The following LMNTD1 variants were observed in gnomAD, a reference collection of about 807,000 sequenced individuals.
LMNTD1 encodes lamin tail domain-containing protein 1.
In LMNTD1, 35 loss-of-function variants were observed where a neutral mutation model predicts 50.9. The observed-to-expected ratio is 0.69, with a 90% confidence interval of 0.53 to 0.91. The LOEUF (loss-of-function observed/expected upper bound fraction) is 0.91. LMNTD1 is among the 40% of genes least tolerant of loss of function. The pLI, the probability that LMNTD1 is intolerant of heterozygous loss-of-function variation, is 0.00. For missense variants in LMNTD1, 470 were observed against 475.5 expected, an observed-to-expected ratio of 0.99 and a Z score of 0.11; for synonymous variants, 153 against 161.9, an observed-to-expected ratio of 0.94 and a Z score of 0.42.
At chr12:25,525,209 A>G (rs1380386941) in intron 6 of LMNTD1, among the ~76,000 whole-genome samples, 1 of 152,194 alleles carries the variant, frequency 6.6e-6, no homozygotes, top group Non-Finnish European at 1.5e-5. Flanking sequence ...GTATGCTAAT[A>G]TTATACCGAG....
chr12:25,590,507 GCTGGA>G (rs999369497), intron 1 of LMNTD1, among the ~76,000 whole-genome samples: 4 of 152,152 alleles, frequency 2.6e-5, no homozygotes, highest in African/African-American at 9.7e-5. Flanking sequence ...GAGTCCTAGT[GCTGGA>G]CTGGTCCCAG....
intron 1 of LMNTD1, among the ~76,000 whole-genome samples, chr12:25,590,505 G>A (rs902446632): frequency 6.6e-6 from 1 of 152,168 alleles, no homozygotes; most frequent in African/African-American, 2.4e-5. Context: ...GTGAGTCCTA[G>A]TGCTGGACTG....
At chr12:25,577,859 C>T (rs992962966) in intron 1 of LMNTD1, among the ~76,000 whole-genome samples, 6 of 152,122 alleles carry the variant, frequency 3.9e-5, no homozygotes, top group Non-Finnish European at 7.4e-5. Context: ...GCGTGTGAGG[C>T]ATCAGGGTCT....
intron 9 of LMNTD1, among the ~76,000 whole-genome samples, chr12:25,492,840 A>G (rs575292895): frequency 1.4e-4 from 22 of 152,336 alleles, no homozygotes; most frequent in African/African-American, 5.3e-4. Flanking sequence ...TTATGGGAGC[A>G]TGTTCAAACA....
At chr12:25,533,694 T>C (rs117922478) in intron 4 of LMNTD1, among the ~76,000 whole-genome samples, 2,030 of 152,292 alleles carry the variant, frequency 0.013, 24 homozygotes, top group African/African-American at 0.032. Flanking sequence ...ATTCAGTTCA[T>C]TGGTACTACA....
intron 1 of LMNTD1, among the ~76,000 whole-genome samples, chr12:25,616,733 A>G (rs185365543): frequency 3.3e-5 from 5 of 152,332 alleles, no homozygotes; most frequent in Admixed American, 1.3e-4. Flanking sequence ...ATTTCAAAAT[A>G]AAAAGGCCAC....
At chr12:25,501,298 C>T (rs769570595) in intron 9 of LMNTD1, among the ~76,000 whole-genome samples, 4 of 152,082 alleles carry the variant, frequency 2.6e-5, no homozygotes, top group Non-Finnish European at 4.4e-5. Flanking sequence ...GCCATGAGAT[C>T]GAACTTTCAT....
At chr12:25,592,631 C>T (rs1945732942) in intron 1 of LMNTD1, 1 of 152,746 alleles carries the variant, frequency 6.5e-6, no homozygotes, top group Non-Finnish European at 1.5e-5. Context: ...GGGGGGCAGT[C>T]AGAGGCACTG....
rs59618638 is a variant in LMNTD1 at position 25,547,318 on chromosome 12, C to G, written c.311-764G>C. Reference sequence around the variant, plus strand: ...TATTTCAGTTCTGCCATTTACTAAGCCACGTGATGTAAGTTTTCCAAGTTT... The same window carrying G: ...TATTTCAGTTCTGCCATTTACTAAGGCACGTGATGTAAGTTTTCCAAGTTT... On this transcript the variant is annotated intron_variant, in intron 3 of 9. Coordinates refer to ENST00000458174, the MANE Select transcript of LMNTD1 (RefSeq NM_001145728.2). The G allele has an allele frequency of 1.6e-3, 428 of 264,566 alleles. 1 individual carries two copies. The highest frequency in any genetic ancestry group is 8.0e-3 in the African/African-American group (346 of 43,488). 16.4% of individuals were successfully genotyped at this position (264,566 alleles called of 1,614,324 possible). A position where few individuals can be genotyped will look rare whatever the true frequency, so the allele number is the denominator to read the frequency against.
chr12:25,604,185 T>C lies in LMNTD1; in HGVS notation c.58+44309A>G, dbSNP rs75460436. Among the ~76,000 whole-genome samples the C allele has an allele frequency of 8.5e-3, 1,293 of 152,208 alleles. 23 individuals are homozygous for C. Among genetic ancestry groups the C allele is most frequent in the East Asian group, 0.063 (327 of 5,178 alleles). On this transcript the variant is annotated intron_variant, in intron 1 of 7. Transcript: ENST00000445693. ...TTTAGTTCTATTTTTTACATTATAT[T>C]GACTTAAAATCCTTTTTCTTACAGC...
At chr12:25,635,519 A>C (rs1946812844) in intron 1 of LMNTD1, among the ~76,000 whole-genome samples, 2 of 152,208 alleles carry the variant, frequency 1.3e-5, no homozygotes, top group Admixed American at 6.5e-5. Flanking sequence ...TCCCATGCTC[A>C]TGGATGGATA....
chr12:25,577,236 C>T (rs968460656), intron 1 of LMNTD1, among the ~76,000 whole-genome samples: 3 of 152,232 alleles, frequency 2.0e-5, no homozygotes, highest in Non-Finnish European at 4.4e-5. Flanking sequence ...AAGAAAGTCA[C>T]TGGTAGCTTG....
At chr12:25,596,809 T>C (rs1290187674) in intron 1 of LMNTD1, among the ~76,000 whole-genome samples, 5 of 152,054 alleles carry the variant, frequency 3.3e-5, no homozygotes, top group Non-Finnish European at 5.9e-5. Context: ...TACTCTTACA[T>C]AGAAGGACTA....
Position 25,526,821 on chromosome 12 carries a change from G to A in LMNTD1, c.626C>T (p.Ser209Phe). 7.4e-6 allele frequency: 12 copies of A among 1,612,784 alleles called. No individual in the cohort carries two copies. Among genetic ancestry groups the A allele is most frequent in the Non-Finnish European group, 1.0e-5 (12 of 1,179,322 alleles). Residue 209 changes from serine (S) to phenylalanine (F), a missense_variant, in exon 5 of 10, where the codon TCT becomes TTT. Transcript: ENST00000458174. ...GATGTTTGGAAGGAATCGGTACAAA[G>A]AAATGGTTTGTCCATTCACATTTTG... ...LQQNVNGQTI[S>F]LYRFLPNIVM...
intron 1 of LMNTD1, among the ~76,000 whole-genome samples, chr12:25,610,463 C>T (rs1171304450): frequency 6.6e-6 from 1 of 152,126 alleles, no homozygotes; most frequent in Non-Finnish European, 1.5e-5. Context: ...CCTATTTGGC[C>T]ATCTTGGAAT....
rs1471698991 is a variant in LMNTD1 at position 25,531,048 on chromosome 12, G to A, written c.492-4093C>T. ...GTAGCGGCCCATCTGCAAGGACTGG[G>A]GAGTGGCCTTTTGAAGCTAAGGGTG... On this transcript the variant is annotated intron_variant, in intron 4 of 9. Coordinates refer to ENST00000458174, the MANE Select transcript of LMNTD1 (RefSeq NM_001145728.2). Among the ~76,000 whole-genome samples the A allele has an allele frequency of 2.0e-5, 3 of 152,152 alleles. No individual in the cohort carries two copies. In the East Asian group the frequency reaches 5.8e-4, roughly 29 times the overall value.
chr12:25,604,765 G>A (rs1946058401), intron 1 of LMNTD1, among the ~76,000 whole-genome samples: 1 of 152,096 alleles, frequency 6.6e-6, no homozygotes. Context: ...ACATTGGGTT[G>A]GTTCCAAGTC....
At chr12:25,623,460 G>A (rs1565524982) in intron 1 of LMNTD1, among the ~76,000 whole-genome samples, 4 of 148,032 alleles carry the variant, frequency 2.7e-5, no homozygotes, top group African/African-American at 7.4e-5. Flanking sequence ...AGGCTGAGGT[G>A]AGAGAATCAC....
intron 1 of LMNTD1, among the ~76,000 whole-genome samples, chr12:25,642,108 A>G (rs1946969130): frequency 6.6e-6 from 1 of 152,172 alleles, no homozygotes; most frequent in South Asian, 2.1e-4. Flanking sequence ...GAATTTTATG[A>G]TTTAGATGCC....
Sources: gnomAD v4.1 joint callset for allele counts (sites outside exome capture counted in the v4.1 genomes callset) on GRCh38, gnomAD v4.1.1 for gene constraint, MANE v1.5 for transcripts, NCBI Gene and HGNC (gene_info 2026-07-23, HGNC 2026-07-21) for gene names.